ACVR2A: variants seen among roughly 807,000 people sequenced by gnomAD.
The protein encoded by ACVR2A is activin A receptor type 2A.
ACVR2A carries 7 observed loss-of-function variants against 61.4 expected under a neutral mutation model. The ratio of observed to expected loss-of-function variants is 0.11; its 90% CI spans 0.06 to 0.21. The LOEUF is 0.21. ACVR2A is among the 10% of genes least tolerant of loss of function. The pLI, the probability that ACVR2A is intolerant of heterozygous loss-of-function variation, is 1.00. For synonymous variants in ACVR2A, 193 were observed against 208.3 expected (o/e 0.93, Z 0.63); for missense variants, 322 against 621.7 (o/e 0.52, Z 5.13).
At chr2:147,850,554 C>A (rs1685418039) in intron 1 of ACVR2A, among the ~76,000 whole-genome samples, 2 of 151,994 alleles carry the variant, frequency 1.3e-5, no homozygotes, top group African/African-American at 4.8e-5. Flanking sequence ...TGACTAGAAC[C>A]AAGAGTATAT....
intron 1 of ACVR2A, among the ~76,000 whole-genome samples, chr2:147,870,201 T>C (rs538083270): frequency 1.3e-5 from 2 of 152,238 alleles, no homozygotes; most frequent in South Asian, 4.2e-4. Context: ...GTCTGACCTA[T>C]AAGAAAACCT....
At chr2:147,913,599 A>G (rs1687173350) in intron 4 of ACVR2A, among the ~76,000 whole-genome samples, 1 of 151,738 alleles carries the variant, frequency 6.6e-6, no homozygotes, top group African/African-American at 2.4e-5. Flanking sequence ...TGCTCTGATC[A>G]GTAGAATTTC....
chr2:147,930,087 GAA>G lies in ACVR2A; in HGVS notation c.*2817_*2818del, dbSNP rs1397260164. The G allele has an allele frequency of 6.6e-6, 1 of 152,382 alleles. No homozygotes were observed. The highest frequency in any genetic ancestry group is 1.5e-5 in the Non-Finnish European group (1 of 67,970). 9.4% of individuals were successfully genotyped at this position (152,382 alleles called of 1,614,324 possible). Reference sequence around the variant, plus strand: ...AATTCTAGGTACCTTGTGAATTCCAGAAAAAGAGACTGTGCTTCACGATTGTT... The same window carrying G: ...AATTCTAGGTACCTTGTGAATTCCAGAAAGAGACTGTGCTTCACGATTGTT... On this transcript the variant is annotated 3_prime_UTR_variant, in exon 11 of 11. Coordinates refer to ENST00000241416, the MANE Select transcript of ACVR2A (RefSeq NM_001616.5).
intron 4 of ACVR2A, among the ~76,000 whole-genome samples, chr2:147,903,955 A>C (rs960495684): frequency 3.9e-5 from 6 of 152,022 alleles, no homozygotes; most frequent in Non-Finnish European, 5.9e-5. Context: ...ATAATGAAGT[A>C]TGTCCAGGGA....
At chr2:147,889,296 G>A (rs1208594469) in intron 1 of ACVR2A, among the ~76,000 whole-genome samples, 5 of 152,076 alleles carry the variant, frequency 3.3e-5, no homozygotes, top group Admixed American at 6.6e-5. Context: ...TTTTGATATC[G>A]AGATGATACT....
At chr2:147,844,964 C>G (rs1685260472), upstream of ACVR2A, 1 of 370,190 alleles carries the variant, frequency 2.7e-6, no homozygotes. Context: ...TATCGTTGTG[C>G]TCTTTTTTTT....
chr2:147,860,850 T>G (rs577888010), intron 1 of ACVR2A, among the ~76,000 whole-genome samples: 3 of 152,244 alleles, frequency 2.0e-5, no homozygotes, highest in African/African-American at 7.2e-5. Flanking sequence ...GAAGACTTAG[T>G]ATTTTTTAGC....
chr2:147,864,615 G>GT (rs1558962568), intron 1 of ACVR2A, among the ~76,000 whole-genome samples: 1 of 152,078 alleles, frequency 6.6e-6, no homozygotes, highest in African/African-American at 2.4e-5. Flanking sequence ...TCTTATCTGT[G>GT]TTTTTTAGGC....
intron 1 of ACVR2A, among the ~76,000 whole-genome samples, chr2:147,855,063 TAG>T (rs796528095): frequency 1.6e-4 from 25 of 152,156 alleles, no homozygotes; most frequent in African/African-American, 5.5e-4. Context: ...GTATTTTTGG[TAG>T]AGAGGGGGTT....
chr2:147,906,533 G>C (rs930107351), intron 4 of ACVR2A, among the ~76,000 whole-genome samples: 1 of 152,160 alleles, frequency 6.6e-6, no homozygotes, highest in African/African-American at 2.4e-5. Context: ...TCTATTTCCA[G>C]ATCTGTACTG....
intron 1 of ACVR2A, among the ~76,000 whole-genome samples, chr2:147,877,184 G>A (rs367650024): frequency 6.6e-6 from 1 of 151,988 alleles, no homozygotes; most frequent in Non-Finnish European, 1.5e-5. Context: ...GAATCTTTTG[G>A]TATCTTTCAG....
chr2:147,922,055 C>CATTT (rs1687393648), intron 8 of ACVR2A, among the ~76,000 whole-genome samples: 1 of 151,158 alleles, frequency 6.6e-6, no homozygotes, highest in African/African-American at 2.4e-5. Flanking sequence ...GGATGGCATA[C>CATTT]ATTTACCTGT....
At chr2:147,886,565 A>G (rs1191859373) in intron 1 of ACVR2A, among the ~76,000 whole-genome samples, 1 of 152,226 alleles carries the variant, frequency 6.6e-6, no homozygotes, top group Non-Finnish European at 1.5e-5. Context: ...TATGAAAGAT[A>G]TTGTCATCTT....
chr2:147,913,183 G>A (rs1420207283), intron 4 of ACVR2A, among the ~76,000 whole-genome samples: 1 of 151,522 alleles, frequency 6.6e-6, no homozygotes, highest in Non-Finnish European at 1.5e-5. Context: ...CATATTAATT[G>A]TGGATTAAAT....
intron 1 of ACVR2A, among the ~76,000 whole-genome samples, chr2:147,879,483 T>G (rs936061335): frequency 2.6e-5 from 4 of 152,188 alleles, no homozygotes; most frequent in African/African-American, 4.8e-5. Flanking sequence ...CATAGCAAAC[T>G]TTTTCAAACA....
At chr2:147,875,947 A>G (rs766795990) in intron 1 of ACVR2A, among the ~76,000 whole-genome samples, 2 of 152,168 alleles carry the variant, frequency 1.3e-5, no homozygotes, top group Non-Finnish European at 2.9e-5. Context: ...TCAGGGATCT[A>G]GAAACATTAC....
intron 1 of ACVR2A, among the ~76,000 whole-genome samples, chr2:147,867,000 A>G (rs191872702): frequency 6.6e-6 from 1 of 152,188 alleles, no homozygotes. Context: ...GAGAAGATCA[A>G]GGTGTGTCCA....
chr2:147,906,794 G>A (rs909966274), intron 4 of ACVR2A, among the ~76,000 whole-genome samples: 4 of 149,558 alleles, frequency 2.7e-5, no homozygotes, highest in Non-Finnish European at 4.4e-5. Context: ...AGTACCATGG[G>A]GTTCTGTCCT....
chr2:147,877,588 A>C (rs930476924), intron 1 of ACVR2A: 1 of 152,098 alleles, frequency 6.6e-6, no homozygotes, highest in Non-Finnish European at 1.5e-5. Context: ...AAGGAGTTAA[A>C]CTTTGTTTAT....
Sources: allele counts gnomAD v4.1 joint callset (sites outside exome capture counted in the v4.1 genomes callset), GRCh38; gene constraint gnomAD v4.1.1; transcripts MANE v1.5; gene names NCBI Gene and HGNC (gene_info 2026-07-23, HGNC 2026-07-21).